Variants in BTRC observed in about 807,000 individuals in gnomAD.
The protein encoded by BTRC is F-box/WD repeat-containing protein 1A.
Under a neutral mutation model 85.5 loss-of-function variants are expected in BTRC, and 42 were observed. The ratio of observed to expected loss-of-function variants is 0.49; its 90% CI spans 0.38 to 0.64. BTRC has a LOEUF of 0.64. Among genes scored for constraint, BTRC ranks in the 30% least tolerant of loss-of-function variants. The probability of loss-of-function intolerance (pLI) is 0.00; values close to 1 mark genes in which losing one functional copy is unlikely to be tolerated. For missense variants in BTRC, 594 were observed against 743.5 expected, an observed-to-expected ratio of 0.80 and a Z score of 2.34; for synonymous variants, 255 against 263.3, an observed-to-expected ratio of 0.97 and a Z score of 0.30.
rs1490617909 is a variant in BTRC, at chr10:101,427,102, CT to C, written c.49-3237del. On this transcript the variant is annotated intron_variant, in intron 1 of 14. Transcript: ENST00000370187. Reference sequence around the variant, plus strand: ...TTGCGTATGTACAGCATTTCCATTTCTTTTTTCTTTCTTTTTTTTTTTTTTT... The same window carrying C: ...TTGCGTATGTACAGCATTTCCATTTCTTTTTCTTTCTTTTTTTTTTTTTTT... Among the ~76,000 whole-genome samples the C allele has an allele frequency of 3.5e-5, 5 of 144,256 alleles. No homozygotes were observed. In the East Asian group the frequency reaches 1.0e-3, roughly 29 times the overall value. The allele number at this position is 144,256 out of a possible 152,430, so 94.6% of individuals were successfully genotyped here. A position where few individuals can be genotyped will look rare whatever the true frequency, so the allele number is the denominator to read the frequency against.
At chr10:101,365,822 A>G (rs1010311138) in intron 1 of BTRC, among the ~76,000 whole-genome samples, 1 of 152,182 alleles carries the variant, frequency 6.6e-6, no homozygotes, top group Non-Finnish European at 1.5e-5. Flanking sequence ...CAGTGAATAT[A>G]TATCATAATC....
At chr10:101,403,495 T>A (rs1943538791) in intron 1 of BTRC, among the ~76,000 whole-genome samples, 2 of 152,230 alleles carry the variant, frequency 1.3e-5, no homozygotes, top group Admixed American at 1.3e-4. Context: ...GGGATATTGG[T>A]CTGTAATCTC....
At chr10:101,467,568 C>T (rs1945412332) in intron 3 of BTRC, among the ~76,000 whole-genome samples, 1 of 151,956 alleles carries the variant, frequency 6.6e-6, no homozygotes. Flanking sequence ...AAGGGACTGT[C>T]TTGTAAATAC....
intron 1 of BTRC, among the ~76,000 whole-genome samples, chr10:101,404,008 A>G (rs368946921): frequency 0.4 from 22,545 of 55,800 alleles, 3,825 homozygotes; most frequent in Middle Eastern, 0.45. Context: ...GTGTGTATAT[A>G]TATATATATA....
At chr10:101,475,145 TAATTTCTA>T (rs1229823456) in intron 3 of BTRC, among the ~76,000 whole-genome samples, 1 of 152,228 alleles carries the variant, frequency 6.6e-6, no homozygotes, top group Non-Finnish European at 1.5e-5. Flanking sequence ...ATCTGTACAC[TAATTTCTA>T]ATGCTCTATT....
chr10:101,470,363 C>T (rs549530320), intron 3 of BTRC, among the ~76,000 whole-genome samples: 11 of 134,460 alleles, frequency 8.2e-5, no homozygotes, highest in East Asian at 4.4e-4. Flanking sequence ...GACGGAGTCT[C>T]GCTGTGTCGC....
At chr10:101,487,997 A>G (rs189086965) in intron 4 of BTRC, among the ~76,000 whole-genome samples, 18 of 152,264 alleles carry the variant, frequency 1.2e-4, no homozygotes, top group Admixed American at 4.6e-4. Context: ...TAATCTATAG[A>G]CTGTAATTCT....
intron 1 of BTRC, among the ~76,000 whole-genome samples, chr10:101,395,641 A>G (rs181447791): frequency 2.0e-5 from 3 of 152,324 alleles, no homozygotes; most frequent in African/African-American, 7.2e-5. Flanking sequence ...TGATCATGCT[A>G]TGAAAGATCT....
chr10:101,550,566 G>A (rs1223298254), intron 13 of BTRC, 133 bp from the exon 14 acceptor site: 3 of 852,026 alleles, frequency 3.5e-6, no homozygotes, highest in African/African-American at 3.4e-5. Flanking sequence ...ACAGGTGTGA[G>A]CCACTGCGCC....
chr10:101,392,615 T>G (rs922082432), intron 1 of BTRC, among the ~76,000 whole-genome samples: 4 of 152,050 alleles, frequency 2.6e-5, no homozygotes, highest in Non-Finnish European at 5.9e-5. Context: ...TTCTCTTACC[T>G]CAGCCTCCCA....
intron 13 of BTRC, among the ~76,000 whole-genome samples, chr10:101,548,040 G>A (rs911775946): frequency 1.3e-5 from 2 of 152,164 alleles, no homozygotes; most frequent in Non-Finnish European, 2.9e-5. Flanking sequence ...TAAAATTATA[G>A]TAAAATACTA....
intron 2 of BTRC, among the ~76,000 whole-genome samples, chr10:101,436,737 A>T (rs1323228632): frequency 6.6e-6 from 1 of 152,208 alleles, no homozygotes; most frequent in Non-Finnish European, 1.5e-5. Flanking sequence ...TCTTGAGCTA[A>T]GTGAAACGTG....
intron 1 of BTRC, among the ~76,000 whole-genome samples, chr10:101,372,365 T>A (rs1027793294): frequency 2.6e-5 from 4 of 151,144 alleles, no homozygotes; most frequent in African/African-American, 4.8e-5. Context: ...CAAGTGATTC[T>A]CCTGCCTCAG....
At chr10:101,508,741 C>T (rs1055935044) in intron 4 of BTRC, among the ~76,000 whole-genome samples, 4 of 151,816 alleles carry the variant, frequency 2.6e-5, no homozygotes, top group Non-Finnish European at 4.4e-5. Flanking sequence ...GGTGATACCC[C>T]GTCTCTACTA....
chr10:101,510,458 C>T (rs977768880), intron 4 of BTRC, among the ~76,000 whole-genome samples: 4 of 151,150 alleles, frequency 2.6e-5, no homozygotes, highest in Non-Finnish European at 4.4e-5. Context: ...TGCAGTGAGC[C>T]GAGATCGCGC....
chr10:101,469,505 AG>A (rs1945465898), intron 3 of BTRC, among the ~76,000 whole-genome samples: 1 of 152,200 alleles, frequency 6.6e-6, no homozygotes, highest in African/African-American at 2.4e-5. Context: ...GTAATTTTGA[AG>A]GAAAATAAAT....
chr10:101,467,325 CAGGGTTTTTTT>C (rs1437586059), intron 3 of BTRC, among the ~76,000 whole-genome samples: 88 of 136,002 alleles, frequency 6.5e-4, no homozygotes, highest in African/African-American at 2.3e-3. Context: ...ATCAGGCAGG[CAGGGTTTTTTT>C]TTTTTTTTTC....
chr10:101,439,857 G>A (rs1199601336), intron 2 of BTRC, among the ~76,000 whole-genome samples: 1 of 152,226 alleles, frequency 6.6e-6, no homozygotes, highest in African/African-American at 2.4e-5. Flanking sequence ...AAGTTGGGAA[G>A]GTGGTATTGG....
At chr10:101,545,225 A>T (rs936905980) in intron 13 of BTRC, among the ~76,000 whole-genome samples, 1 of 151,520 alleles carries the variant, frequency 6.6e-6, no homozygotes. Context: ...AGTTTTCAGC[A>T]ATTTGCTTAT....
Sources: allele counts gnomAD v4.1 joint callset (sites outside exome capture counted in the v4.1 genomes callset), GRCh38; gene constraint gnomAD v4.1.1; transcripts MANE v1.5; gene names NCBI Gene and HGNC (gene_info 2026-07-23, HGNC 2026-07-21).